The following GRAMD1C variants were observed in gnomAD, a reference collection of about 807,000 sequenced individuals.
The protein encoded by GRAMD1C is protein Aster-C.
GRAMD1C carries 89 observed loss-of-function variants against 97.8 expected under a neutral mutation model. The observed-to-expected ratio is 0.91, with a 90% confidence interval of 0.77 to 1.09. The LOEUF (loss-of-function observed/expected upper bound fraction) is 1.09. GRAMD1C is among the 50% of genes least tolerant of loss of function. The pLI, the probability that GRAMD1C is intolerant of heterozygous loss-of-function variation, is 0.00. For synonymous variants in GRAMD1C, 256 were observed against 267.0 expected, an observed-to-expected ratio of 0.96 and a Z score of 0.40; for missense variants, 740 against 766.4, an observed-to-expected ratio of 0.97 and a Z score of 0.41.
chr3:113,927,081 G>A lies in GRAMD1C; in HGVS notation c.1091-3633G>A, dbSNP rs189757145. Among the ~76,000 whole-genome samples the A allele has an allele frequency of 1.3e-3, 195 of 152,052 alleles. 1 individual carries two copies. The highest frequency in any genetic ancestry group is 4.5e-3 in the African/African-American group (185 of 41,478). Reference sequence around the variant, plus strand: ...TGGTGGGAACCCTTTGTTTTCACAGGTGTCACCTTTGTTTTCACAGGTGTT... The same window carrying A: ...TGGTGGGAACCCTTTGTTTTCACAGATGTCACCTTTGTTTTCACAGGTGTT... On this transcript the variant is annotated intron_variant, in intron 10 of 17. Transcript: ENST00000358160.
intron 2 of GRAMD1C, among the ~76,000 whole-genome samples, chr3:113,846,328 A>T (rs1030725598): frequency 1.3e-5 from 2 of 150,324 alleles, no homozygotes; most frequent in African/African-American, 2.5e-5. Context: ...CTGGTCTTGA[A>T]CTCCCGACCT....
chr3:113,895,093 T>G lies in GRAMD1C; in HGVS notation c.541-5938T>G, dbSNP rs137903635. Among the ~76,000 whole-genome samples the G allele has an allele frequency of 3.7e-4, 56 of 152,278 alleles. 2 individuals are homozygous for G. The highest frequency in any genetic ancestry group is 1.3e-3 in the African/African-American group (53 of 41,552). On this transcript the variant is annotated intron_variant, in intron 6 of 17. Coordinates refer to ENST00000358160, the MANE Select transcript of GRAMD1C (RefSeq NM_017577.5). Reference sequence around the variant, plus strand: ...AAAAGTAGAGTTGCAGAGGCAGACTTTGATCAATAGAGAACCATATGGAGA... The same window carrying G: ...AAAAGTAGAGTTGCAGAGGCAGACTGTGATCAATAGAGAACCATATGGAGA...
chr3:113,874,665 GA>G (rs1934958943), intron 3 of GRAMD1C, among the ~76,000 whole-genome samples: 1 of 152,138 alleles, frequency 6.6e-6, no homozygotes, highest in Non-Finnish European at 1.5e-5. Flanking sequence ...AAACAACTTT[GA>G]AACTGACTTA....
At position 113,838,888 on chromosome 3, in the gene GRAMD1C, C is replaced by G. The variant is rs535164066; in HGVS notation, c.-22C>G. 5 of 1,231,194 alleles carry G rather than the reference C, an allele frequency of 4.1e-6. No individual in the cohort carries two copies. The highest frequency in any genetic ancestry group is 8.5e-5 in the Admixed American group (2 of 23,528). The allele number at this position is 1,231,194 out of a possible 1,614,324, so 76.3% of individuals were successfully genotyped here. On this transcript the variant is annotated 5_prime_UTR_variant, in exon 1 of 18. Coordinates refer to ENST00000358160, the MANE Select transcript of GRAMD1C (RefSeq NM_017577.5). The stretch of plus-strand genomic sequence containing the variant: ...CGGTGCGGTGCGCGCGGGGCGGTGC[C>G]GCGGCGGCGGAGGGAGCCGCGATGG...
At chr3:113,862,723 C>T (rs1051180292) in intron 2 of GRAMD1C, among the ~76,000 whole-genome samples, 1 of 152,170 alleles carries the variant, frequency 6.6e-6, no homozygotes, top group Admixed American at 6.5e-5. Context: ...ATGAAATCTT[C>T]ACAATTTATG....
At position 113,930,754 on chromosome 3, in the gene GRAMD1C, T is replaced by C. The variant is rs1326296545; in HGVS notation, c.1131T>C (p.Asp377=). 1 of 1,611,462 alleles carries C rather than the reference T, an allele frequency of 6.2e-7. No homozygotes were observed. Among genetic ancestry groups the C allele is most frequent in the Admixed American group, 1.7e-5 (1 of 59,998 alleles). The change falls in exon 11 of 18, where the codon GAT becomes GAC. Residue 377 remains aspartate (D), a synonymous_variant. Coordinates refer to ENST00000358160, the MANE Select transcript of GRAMD1C (RefSeq NM_017577.5). The stretch of plus-strand genomic sequence containing the variant: ...CTTGGACTGCAGAACTTGGAGGTGA[T>C]CAGCTGAGAACGATGACCTACACTA... ...STPWTAELGG[D]QLRTMTYTIV...
chr3:113,884,338 CAG>C (rs1935368849), intron 6 of GRAMD1C, among the ~76,000 whole-genome samples: 1 of 152,026 alleles, frequency 6.6e-6, no homozygotes, highest in African/African-American at 2.4e-5. Flanking sequence ...GGAAATTAAA[CAG>C]AATACTTGTA....
At chr3:113,939,773 A>C in intron 15 of GRAMD1C, 113 bp from the exon 16 acceptor site, 1 of 592,240 alleles carries the variant, frequency 1.7e-6, no homozygotes, top group Non-Finnish European at 3.1e-6. Flanking sequence ...AATAACAACA[A>C]TGAAAAACAG....
chr3:113,846,916 G>T (rs1366513244), intron 2 of GRAMD1C, among the ~76,000 whole-genome samples: 1 of 151,990 alleles, frequency 6.6e-6, no homozygotes, highest in Non-Finnish European at 1.5e-5. Context: ...TTTTCTACAG[G>T]TCAGTTACCC....
intron 2 of GRAMD1C, among the ~76,000 whole-genome samples, chr3:113,863,669 G>A (rs984290273): frequency 1.3e-5 from 2 of 152,112 alleles, no homozygotes; most frequent in African/African-American, 4.8e-5. Flanking sequence ...TGTTGGTATG[G>A]AACTCGGGCC....
At chr3:113,893,381 CT>C (rs35099680) in intron 6 of GRAMD1C, among the ~76,000 whole-genome samples, 76 of 146,650 alleles carry the variant, frequency 5.2e-4, no homozygotes, top group East Asian at 6.0e-4. Context: ...AAATGTTCTG[CT>C]TTTTTTTTTT....
intron 6 of GRAMD1C, among the ~76,000 whole-genome samples, chr3:113,885,031 C>T (rs1935411281): frequency 6.6e-6 from 1 of 150,858 alleles, no homozygotes; most frequent in South Asian, 2.1e-4. Flanking sequence ...CTGTCTCGGC[C>T]CGCAACTTCC....
chr3:113,889,119 G>C (rs1458444421), intron 6 of GRAMD1C, among the ~76,000 whole-genome samples: 1 of 152,154 alleles, frequency 6.6e-6, no homozygotes, highest in Non-Finnish European at 1.5e-5. Context: ...AGAATCACTT[G>C]AACCGGGTAG....
Position 113,933,498 on chromosome 3 carries a change from C to T in GRAMD1C, c.1210-13C>T. The T allele has an allele frequency of 6.3e-7, 1 of 1,597,584 alleles. No homozygotes were observed. The highest frequency in any genetic ancestry group is 8.6e-7 in the Non-Finnish European group (1 of 1,166,092). On this transcript the variant is annotated splice_polypyrimidine_tract_variant and intron_variant, in intron 11 of 17. Coordinates refer to ENST00000358160, the MANE Select transcript of GRAMD1C (RefSeq NM_017577.5). ...GCATATACATACAAACATTTTTTAT[C>T]TTACTTTGGCAGACACTGTATAAAG...
At position 113,872,426 on chromosome 3, in the gene GRAMD1C, G is replaced by A. The variant is rs540915305; in HGVS notation, c.259+2835G>A. ...TTTTTTTTTTTTGAGATAGAGTCTCGCCCTGTCACCCAGACTGGAGTGCAG... is the reference window on the plus strand; with the variant it reads ...TTTTTTTTTTTTGAGATAGAGTCTCACCCTGTCACCCAGACTGGAGTGCAG... On this transcript the variant is annotated intron_variant, in intron 3 of 17. Transcript: ENST00000358160. Among the ~76,000 whole-genome samples, 38 of 119,830 alleles carry A rather than the reference G, an allele frequency of 3.2e-4. No homozygotes were observed. The South Asian group carries it at 9.4e-3, about 30-fold the overall frequency. The allele number at this position is 119,830 out of a possible 152,430, so 78.6% of individuals were successfully genotyped here. A position where few individuals can be genotyped will look rare whatever the true frequency, so the allele number is the denominator to read the frequency against.
chr3:113,931,207 G>A (rs1206892595), intron 11 of GRAMD1C, among the ~76,000 whole-genome samples: 2 of 152,106 alleles, frequency 1.3e-5, no homozygotes, highest in Non-Finnish European at 2.9e-5. Flanking sequence ...ATTTCCTTTA[G>A]AAGTCATCTA....
At chr3:113,851,159 G>A (rs1380246612) in intron 2 of GRAMD1C, among the ~76,000 whole-genome samples, 1 of 152,108 alleles carries the variant, frequency 6.6e-6, no homozygotes, top group East Asian at 1.9e-4. Context: ...GGAGGGATTT[G>A]TAAAGTTTTC....
At chr3:113,832,039 G>GTGTTTTTTTTTTTTTTTTTTTTTTTT (rs1553713219) in intron 1 of GRAMD1C, among the ~76,000 whole-genome samples, 2 of 149,420 alleles carry the variant, frequency 1.3e-5, no homozygotes, top group African/African-American at 5.1e-5. Context: ...CAGCAACTTT[G>GTGTTTTTTTTTTTTTTTTTTTTTTTT]TTTTTTTTGA....
chr3:113,900,991 A>G, intron 6 of GRAMD1C, 40 bp from the exon 7 acceptor site: 1 of 987,846 alleles, frequency 1.0e-6, no homozygotes, highest in Non-Finnish European at 1.6e-6. Context: ...ATTATATTTT[A>G]TATTTTCCAA....
Sources: gnomAD v4.1 joint callset for allele counts (sites outside exome capture counted in the v4.1 genomes callset) on GRCh38, gnomAD v4.1.1 for gene constraint, MANE v1.5 for transcripts, NCBI Gene and HGNC (gene_info 2026-07-23, HGNC 2026-07-21) for gene names.